BANK1: variants seen among roughly 807,000 people sequenced by gnomAD.
The protein encoded by BANK1 is B cell scaffold protein with ankyrin repeats 1.
Under a neutral mutation model 94.5 loss-of-function variants are expected in BANK1, and 95 were observed. The ratio of observed to expected loss-of-function variants is 1.00; its 90% CI spans 0.85 to 1.19. BANK1 has a LOEUF of 1.19. Among genes scored for constraint, BANK1 ranks in the 50% most tolerant of loss-of-function variants. BANK1 has a pLI of 0.00. For missense variants in BANK1, 987 were observed against 932.2 expected (o/e 1.06, Z -0.77); for synonymous variants, 334 against 308.4 (o/e 1.08, Z -0.87).
chr4:102,009,994 C>G (rs557493771), intron 7 of BANK1, among the ~76,000 whole-genome samples: 4 of 152,130 alleles, frequency 2.6e-5, no homozygotes, highest in African/African-American at 4.8e-5. Flanking sequence ...TGGCTGGGTG[C>G]CGTGGCTCAC....
chr4:101,942,024 G>A (rs976920910), intron 7 of BANK1, among the ~76,000 whole-genome samples: 3 of 151,798 alleles, frequency 2.0e-5, no homozygotes, highest in African/African-American at 7.3e-5. Context: ...TCATGGAAGA[G>A]AGTAAGAACA....
intron 7 of BANK1, among the ~76,000 whole-genome samples, chr4:102,018,153 C>T (rs1301098611): frequency 1.3e-5 from 2 of 152,090 alleles, no homozygotes; most frequent in Non-Finnish European, 1.5e-5. Flanking sequence ...TTTAGTATAA[C>T]ATTGATCATT....
chr4:101,918,065 A>G lies in BANK1; in HGVS notation c.1082A>G (p.His361Arg), dbSNP rs757018667. The G allele has an allele frequency of 6.2e-7, 1 of 1,611,848 alleles. No individual in the cohort carries two copies. The highest frequency in any genetic ancestry group is 1.3e-5 in the African/African-American group (1 of 74,940). Residue 361 changes from histidine to arginine, a missense_variant, in exon 7 of 17, where the codon CAT becomes CGT. By Grantham distance (29) the His-to-Arg change is conservative. Coordinates refer to ENST00000322953, the MANE Select transcript of BANK1 (RefSeq NM_017935.5). ...TTTGGCTTAAAGAACCTGGCTATTC[A>G]TTTGCTTCAATGTTCAGGAGCAACC... ...AKFGLKNLAI[H>R]LLQCSGATWA...
At chr4:101,986,066 T>C (rs1012549135) in intron 7 of BANK1, among the ~76,000 whole-genome samples, 26 of 152,122 alleles carry the variant, frequency 1.7e-4, no homozygotes, top group Non-Finnish European at 2.9e-5. Context: ...TAAAGCATAG[T>C]TCTTCCCTTG....
chr4:102,071,006 C>A (rs1439643053), intron 13 of BANK1, among the ~76,000 whole-genome samples: 1 of 152,110 alleles, frequency 6.6e-6, no homozygotes, highest in East Asian at 1.9e-4. Flanking sequence ...GGCAGGGCAG[C>A]AAGCTTGTGT....
intron 1 of BANK1, among the ~76,000 whole-genome samples, chr4:101,795,623 A>C (rs1365794166): frequency 6.6e-6 from 1 of 152,190 alleles, no homozygotes. Flanking sequence ...TAGTACAGTT[A>C]GTAAATTATT....
intron 5 of BANK1, among the ~76,000 whole-genome samples, chr4:101,873,285 T>C (rs1431722260): frequency 1.3e-5 from 2 of 152,220 alleles, no homozygotes; most frequent in African/African-American, 4.8e-5. Flanking sequence ...TGAAATGTTA[T>C]ATTGTAAGAA....
intron 6 of BANK1, among the ~76,000 whole-genome samples, chr4:101,903,308 CTATT>C (rs552478920): frequency 8.5e-4 from 129 of 152,226 alleles, no homozygotes; most frequent in African/African-American, 3.0e-3. Context: ...GCAAGTAAGA[CTATT>C]TATACAAGCT....
chr4:102,046,215 G>C (rs1208670834), intron 11 of BANK1, among the ~76,000 whole-genome samples: 1 of 151,922 alleles, frequency 6.6e-6, no homozygotes, highest in Non-Finnish European at 1.5e-5. Flanking sequence ...TTTAATAAAT[G>C]GTGCTGGGAA....
intron 7 of BANK1, among the ~76,000 whole-genome samples, chr4:101,926,275 A>AT (rs1223301083): frequency 6.6e-6 from 1 of 151,576 alleles, no homozygotes; most frequent in Non-Finnish European, 1.5e-5. Context: ...TCAACAATAT[A>AT]TTTTTTTCAT....
chr4:101,932,109 G>A lies in BANK1; in HGVS notation c.1206+13920G>A, dbSNP rs1578405403. Reference sequence around the variant, plus strand: ...GGGTGAAAAGTTCTACTGACTGTTAGTAGATGAATGTTAAATGCCTTGCAA... The same window carrying A: ...GGGTGAAAAGTTCTACTGACTGTTAATAGATGAATGTTAAATGCCTTGCAA... On this transcript the variant is annotated intron_variant, in intron 7 of 16. Coordinates refer to ENST00000322953, the MANE Select transcript of BANK1 (RefSeq NM_017935.5). 4.6e-5 allele frequency among the ~76,000 whole-genome samples: 7 copies of A among 151,598 alleles called. No individual in the cohort carries two copies. In the South Asian group the frequency reaches 1.2e-3, roughly 27 times the overall value.
chr4:101,969,999 G>A (rs1363322785), intron 7 of BANK1, among the ~76,000 whole-genome samples: 2 of 152,134 alleles, frequency 1.3e-5, no homozygotes, highest in African/African-American at 2.4e-5. Context: ...CAATCAATAA[G>A]ATACCTGTTT....
At chr4:101,809,284 G>A (rs1159679104) in intron 1 of BANK1, among the ~76,000 whole-genome samples, 1 of 152,118 alleles carries the variant, frequency 6.6e-6, no homozygotes, top group East Asian at 1.9e-4. Flanking sequence ...GTTATAAATG[G>A]GGGCTAAGCT....
chr4:101,956,500 C>T (rs1009520587), intron 7 of BANK1, among the ~76,000 whole-genome samples: 1 of 152,156 alleles, frequency 6.6e-6, no homozygotes, highest in Non-Finnish European at 1.5e-5. Flanking sequence ...TCATCTATTT[C>T]AGGCAGTTTA....
In BANK1 at chr4:102,074,082, C is replaced by A. The variant is rs12640056; in HGVS notation, c.*83C>A. 1.0e-5 allele frequency: 2 copies of A among 191,358 alleles called. No individual in the cohort carries two copies. Among genetic ancestry groups the A allele is most frequent in the Non-Finnish European group, 2.1e-5 (2 of 94,334 alleles). 11.9% of individuals were successfully genotyped at this position (191,358 alleles called of 1,614,324 possible). On this transcript the variant is annotated 3_prime_UTR_variant, in exon 17 of 17. Transcript: ENST00000322953. ...CAAGCTTGAATTTGGATTGCCTGCTCTCTTTAAAGCGAATTCATACTATGA... is the reference window on the plus strand; with the variant it reads ...CAAGCTTGAATTTGGATTGCCTGCTATCTTTAAAGCGAATTCATACTATGA...
intron 11 of BANK1, among the ~76,000 whole-genome samples, chr4:102,056,656 G>T (rs1422181642): frequency 6.6e-6 from 1 of 151,804 alleles, no homozygotes; most frequent in Non-Finnish European, 1.5e-5. Flanking sequence ...GTACTCTTCT[G>T]TATTTTCTAA....
At chr4:102,014,556 AAATG>A (rs1726626277) in intron 7 of BANK1, among the ~76,000 whole-genome samples, 2 of 152,154 alleles carry the variant, frequency 1.3e-5, no homozygotes, top group Admixed American at 1.3e-4. Flanking sequence ...CTATTTAGTC[AAATG>A]AGTCAAATTT....
chr4:101,937,189 GA>G (rs1396160349), intron 7 of BANK1, among the ~76,000 whole-genome samples: 1 of 151,628 alleles, frequency 6.6e-6, no homozygotes, highest in African/African-American at 2.4e-5. Context: ...TTAAGTGAAA[GA>G]AACCAGGCAT....
intron 6 of BANK1, among the ~76,000 whole-genome samples, chr4:101,914,773 T>G (rs1376277936): frequency 6.6e-6 from 1 of 152,118 alleles, no homozygotes; most frequent in Non-Finnish European, 1.5e-5. Flanking sequence ...ATACATATAT[T>G]TTCTCCATAA....
Sources: allele counts gnomAD v4.1 joint callset (sites outside exome capture counted in the v4.1 genomes callset), GRCh38; gene constraint gnomAD v4.1.1; transcripts MANE v1.5; gene names NCBI Gene and HGNC (gene_info 2026-07-23, HGNC 2026-07-21).